The following ST8SIA1 variants were observed in gnomAD, a reference collection of about 807,000 sequenced individuals.
The protein encoded by ST8SIA1 is alpha-N-acetylneuraminide alpha-2,8-sialyltransferase.
In ST8SIA1, 16 loss-of-function variants were observed where a neutral mutation model predicts 35.9. The observed-to-expected ratio is 0.45, with a 90% confidence interval of 0.30 to 0.68. The LOEUF (loss-of-function observed/expected upper bound fraction) is 0.68. ST8SIA1 is among the 30% of genes least tolerant of loss of function. The pLI, the probability that ST8SIA1 is intolerant of heterozygous loss-of-function variation, is 0.09. For synonymous variants in ST8SIA1, 170 were observed against 169.6 expected, an observed-to-expected ratio of 1.00 and a Z score of -0.02; for missense variants, 383 against 453.6, an observed-to-expected ratio of 0.84 and a Z score of 1.41.
At chr12:22,246,368 C>T (rs912372443) in intron 4 of ST8SIA1, among the ~76,000 whole-genome samples, 4 of 152,176 alleles carry the variant, frequency 2.6e-5, no homozygotes, top group Non-Finnish European at 4.4e-5. Flanking sequence ...ATATTGTCTC[C>T]TTGTGCGACA....
intron 1 of ST8SIA1, 26 bp downstream of exon 1, chr12:22,333,971 G>A: frequency 6.2e-7 from 1 of 1,603,616 alleles, no homozygotes. Flanking sequence ...GACGCTAGAG[G>A]GGAGGAGCCG....
chr12:22,257,038 C>T (rs796626961), intron 2 of ST8SIA1, among the ~76,000 whole-genome samples: 63 of 152,210 alleles, frequency 4.1e-4, no homozygotes, highest in African/African-American at 1.4e-3. Context: ...GTGACAAGGA[C>T]ATAAGTAAAA....
At chr12:22,251,586 C>A (rs899964488) in intron 3 of ST8SIA1, among the ~76,000 whole-genome samples, 7 of 152,104 alleles carry the variant, frequency 4.6e-5, no homozygotes, top group African/African-American at 1.7e-4. Flanking sequence ...AATTTTAGTT[C>A]CTCAACTCAT....
At chr12:22,243,941 G>A (rs1457814538) in intron 4 of ST8SIA1, among the ~76,000 whole-genome samples, 1 of 151,842 alleles carries the variant, frequency 6.6e-6, no homozygotes, top group Non-Finnish European at 1.5e-5. Context: ...TGAAGCAGGA[G>A]AATCTCTTGA....
At chr12:22,280,660 A>G (rs1866022223) in intron 2 of ST8SIA1, among the ~76,000 whole-genome samples, 1 of 152,224 alleles carries the variant, frequency 6.6e-6, no homozygotes, top group South Asian at 2.1e-4. Flanking sequence ...CTTAATTTTC[A>G]ATTATTTCTA....
At chr12:22,236,853 G>C (rs986130740) in intron 4 of ST8SIA1, among the ~76,000 whole-genome samples, 5 of 152,298 alleles carry the variant, frequency 3.3e-5, no homozygotes, top group African/African-American at 1.2e-4. Flanking sequence ...CTGTGTGTCA[G>C]GTCCTGTGTT....
chr12:22,302,143 G>T (rs1345261892), intron 1 of ST8SIA1, among the ~76,000 whole-genome samples: 3 of 152,020 alleles, frequency 2.0e-5, no homozygotes, highest in Non-Finnish European at 2.9e-5. Context: ...TTTGCCTAAG[G>T]TTTTTCAATT....
chr12:22,293,761 T>C (rs1355512947), intron 1 of ST8SIA1, among the ~76,000 whole-genome samples: 1 of 152,204 alleles, frequency 6.6e-6, no homozygotes, highest in African/African-American at 2.4e-5. Flanking sequence ...CCATAATTTT[T>C]AATAGTTACT....
chr12:22,304,204 T>C (rs1866355302), intron 1 of ST8SIA1, among the ~76,000 whole-genome samples: 1 of 152,154 alleles, frequency 6.6e-6, no homozygotes, highest in South Asian at 2.1e-4. Context: ...TTTAAGGAGC[T>C]CAGTGGTTAA....
chr12:22,260,138 G>A (rs74068786), intron 2 of ST8SIA1, among the ~76,000 whole-genome samples: 2,303 of 151,372 alleles, frequency 0.015, 63 homozygotes, highest in African/African-American at 0.053. Flanking sequence ...ATAGTAATGA[G>A]CTCAAGGGTT....
At chr12:22,256,565 GTA>G (rs1865730395) in intron 2 of ST8SIA1, among the ~76,000 whole-genome samples, 1 of 152,166 alleles carries the variant, frequency 6.6e-6, no homozygotes, top group Non-Finnish European at 1.5e-5. Context: ...AATCCAATAA[GTA>G]TATGAATATA....
chr12:22,239,387 C>A (rs916900976), intron 4 of ST8SIA1, among the ~76,000 whole-genome samples: 1 of 152,120 alleles, frequency 6.6e-6, no homozygotes, highest in African/African-American at 2.4e-5. Context: ...TCTATAGCCT[C>A]ATTATCTGGA....
intron 4 of ST8SIA1, among the ~76,000 whole-genome samples, chr12:22,227,819 G>A (rs989313503): frequency 2.6e-5 from 4 of 152,150 alleles, no homozygotes; most frequent in African/African-American, 9.7e-5. Context: ...GCCAAGTCCT[G>A]AGCCTGGTTT....
At position 22,266,055 on chromosome 12, in the gene ST8SIA1, G is replaced by T. The variant is rs531438178; in HGVS notation, c.382-10666C>A. Among the ~76,000 whole-genome samples, 10 of 151,886 alleles carry T rather than the reference G, an allele frequency of 6.6e-5. 1 individual carries two copies. Among genetic ancestry groups the T allele is most frequent in the African/African-American group, 2.4e-4 (10 of 41,418 alleles). ...CAATATTCCCTCCACACCATTTTACGCACCTGTGTTTCCTCAGACACAGCC... is the reference window on the plus strand; with the variant it reads ...CAATATTCCCTCCACACCATTTTACTCACCTGTGTTTCCTCAGACACAGCC... On this transcript the variant is annotated intron_variant, in intron 2 of 4. Transcript: ENST00000396037.
Position 22,287,219 on chromosome 12 carries a change from C to T in ST8SIA1, c.311G>A (p.Ser104Asn). 1 of 1,613,880 alleles carries T rather than the reference C, an allele frequency of 6.2e-7. No homozygotes were observed. The highest frequency in any genetic ancestry group is 8.5e-7 in the Non-Finnish European group (1 of 1,179,818). The change falls in exon 2 of 5, where the codon AGC (serine) becomes AAC (asparagine). Residue 104 changes from serine (S) to asparagine (N), a missense_variant. Ser to Asn is a conservative substitution (Grantham distance 46). Transcript: ENST00000396037. The part of the protein sequence containing the change: ...MTKMNSPMGK[S>N]MWYDGEFLYS... ...TAAAAACTCCCCGTCATACCACATG[C>T]TCTTCCCCATAGGGGAATTCATTTT... is the stretch of plus-strand genomic sequence containing the variant.
intron 4 of ST8SIA1, among the ~76,000 whole-genome samples, chr12:22,222,627 T>C (rs943703261): frequency 3.9e-5 from 6 of 151,984 alleles, no homozygotes; most frequent in South Asian, 2.1e-4. Flanking sequence ...TATATATATA[T>C]ACACATATAC....
intron 1 of ST8SIA1, among the ~76,000 whole-genome samples, chr12:22,302,223 C>T (rs927075750): frequency 8.2e-4 from 120 of 145,558 alleles, no homozygotes; most frequent in African/African-American, 3.1e-3. Context: ...ATGATGTTTT[C>T]GATTTTTTTC....
intron 4 of ST8SIA1, among the ~76,000 whole-genome samples, chr12:22,230,393 T>C (rs1053655369): frequency 6.6e-6 from 1 of 152,134 alleles, no homozygotes; most frequent in African/African-American, 2.4e-5. Context: ...AGAGTCTGTT[T>C]CCCATTAGTT....
At chr12:22,241,826 C>T (rs186142154) in intron 4 of ST8SIA1, among the ~76,000 whole-genome samples, 37 of 152,102 alleles carry the variant, frequency 2.4e-4, no homozygotes, top group Admixed American at 2.4e-3. Context: ...AATGTCATGT[C>T]CCAGAGTAGA....
Sources: allele counts gnomAD v4.1 joint callset (sites outside exome capture counted in the v4.1 genomes callset), GRCh38; gene constraint gnomAD v4.1.1; transcripts MANE v1.5; gene names NCBI Gene and HGNC (gene_info 2026-07-23, HGNC 2026-07-21).